Variants in GZMK observed in about 807,000 individuals in gnomAD.
The protein encoded by GZMK is NK-Tryp-2.
Under a neutral mutation model 22.8 loss-of-function variants are expected in GZMK, and 18 were observed. The ratio of observed to expected loss-of-function variants is 0.79; its 90% CI spans 0.54 to 1.17. The LOEUF (loss-of-function observed/expected upper bound fraction) is 1.17. Among genes scored for constraint, GZMK ranks in the 50% most tolerant of loss-of-function variants. GZMK has a pLI of 0.00. For synonymous variants in GZMK, 136 were observed against 115.0 expected (o/e 1.18, Z -1.17); for missense variants, 342 against 320.2 (o/e 1.07, Z -0.52).
rs1411934032 is a variant in GZMK, at chr5:55,024,863, CA to C, written c.212+58del. The C allele has an allele frequency of 4.2e-6, 5 of 1,188,968 alleles. No individual in the cohort carries two copies. The African/African-American group carries it at 7.6e-5, about 18-fold the overall frequency. The allele number at this position is 1,188,968 out of a possible 1,614,324, so 73.7% of individuals were successfully genotyped here. On this transcript the variant is annotated intron_variant, in intron 2 of 4. Transcript: ENST00000231009. ...TTTTTTCTGAAAGTTATTATAGGTA[CA>C]AGAGAAGCTTACCTCTCCTGAATGA... is the stretch of plus-strand genomic sequence containing the variant.
In GZMK at chr5:55,031,421, A is replaced by C. The variant is rs1741230221; in HGVS notation, c.421A>C (p.Thr141Pro). The change falls in exon 4 of 5, where the codon ACC becomes CCC. Residue 141 changes from threonine to proline, a missense_variant. Physicochemically the swap from Thr to Pro is conservative, Grantham distance 38 (BLOSUM62 -1). Transcript: ENST00000231009. Reference sequence around the variant, plus strand: ...CAAGATGCTCCACATAAGATCCAAAACCTCTCTTAGATCTGGAACCAAATG... The same window carrying C: ...CAAGATGCTCCACATAAGATCCAAACCCTCTCTTAGATCTGGAACCAAATG... ...HVKMLHIRSK[T>P]SLRSGTKCKV... The C allele has an allele frequency of 1.2e-6, 2 of 1,613,266 alleles. No individual in the cohort carries two copies. The highest frequency in any genetic ancestry group is 1.7e-6 in the Non-Finnish European group (2 of 1,179,442).
In GZMK at chr5:55,031,391, C is replaced by T. The variant is rs750021891; in HGVS notation, c.391C>T (p.His131Tyr). The change falls in exon 4 of 5, where the codon CAT becomes TAT. Residue 131 changes from histidine (H) to tyrosine (Y), a missense_variant. By Grantham distance (83) the His-to-Tyr change is moderately conservative. Coordinates refer to ENST00000231009, the MANE Select transcript of GZMK (RefSeq NM_002104.3). Reference sequence around the variant, plus strand: ...TCAAACAGCCGCAAAACTCAATAAACATGTCAAGATGCTCCACATAAGATC... The same window carrying T: ...TCAAACAGCCGCAAAACTCAATAAATATGTCAAGATGCTCCACATAAGATC... ...KLQTAAKLNK[H>Y]VKMLHIRSKT... 10 of 1,613,356 alleles carry T rather than the reference C, an allele frequency of 6.2e-6. No homozygotes were observed. In the East Asian group the frequency reaches 2.2e-4, roughly 36 times the overall value.
At position 55,030,611 on chromosome 5, in the gene GZMK, A is replaced by G. The variant is rs756875073; in HGVS notation, c.363+27A>G. The G allele has an allele frequency of 3.2e-6, 5 of 1,583,352 alleles. No homozygotes were observed. The African/African-American group carries it at 4.1e-5, about 13-fold the overall frequency. ...TAGGTAGTAGCATTGTCTTCCTTCT[A>G]TTTTGTCAACATTTTTATACAGGAT... On this transcript the variant is annotated intron_variant, in intron 3 of 4. Coordinates refer to ENST00000231009, the MANE Select transcript of GZMK (RefSeq NM_002104.3).
rs146429265 is a variant in GZMK at position 55,033,777 on chromosome 5, G to A, written c.646G>A (p.Gly216Ser). The change falls in exon 5 of 5, where the codon GGC becomes AGC. Residue 216 changes from glycine (G) to serine (S), a missense_variant. Physicochemically the swap from Gly to Ser is moderately conservative, Grantham distance 56. Transcript: ENST00000231009. ...QKDSCKGDSG[G>S]PLICKGVFHA... ...TTCTTCCTTCCAGGGTGACTCAGGG[G>A]GCCCCTTGATCTGTAAAGGTGTCTT... 6,855 of 1,598,770 alleles carry A rather than the reference G, an allele frequency of 4.3e-3. 24 individuals are homozygous for A. The highest frequency in any genetic ancestry group is 5.3e-3 in the Non-Finnish European group (6,194 of 1,175,770).
Position 55,034,453 on chromosome 5 carries a change from T to C in GZMK, c.*527T>C, listed in dbSNP as rs1741285469. ...GCCAGTTGAATAGCAGCTCTCTATT[T>C]CCCCACCACCCCCATCCTCTGGCAA... On this transcript the variant is annotated 3_prime_UTR_variant, in exon 5 of 5. Transcript: ENST00000231009. 1.3e-5 allele frequency: 2 copies of C among 152,212 alleles called. No homozygotes were observed. The highest frequency in any genetic ancestry group is 1.3e-4 in the Admixed American group (2 of 15,276). 9.4% of individuals were successfully genotyped at this position (152,212 alleles called of 1,614,324 possible). A position where few individuals can be genotyped will look rare whatever the true frequency, so the allele number is the denominator to read the frequency against.
At chr5:55,025,965 T>C (rs3776034) in intron 2 of GZMK, among the ~76,000 whole-genome samples, 46,774 of 152,160 alleles carry the variant, frequency 0.31, 8,835 homozygotes, top group African/African-American at 0.51. Context: ...CTTGCCCTCA[T>C]AGAAATCACA....
chr5:55,033,198 G>C (rs903348796), intron 4 of GZMK, among the ~76,000 whole-genome samples: 1 of 152,150 alleles, frequency 6.6e-6, no homozygotes, highest in African/African-American at 2.4e-5. Context: ...TATTTACTAA[G>C]TATGGTACAT....
intron 3 of GZMK, among the ~76,000 whole-genome samples, chr5:55,031,001 C>T (rs1741220298): frequency 6.6e-6 from 1 of 152,176 alleles, no homozygotes; most frequent in Admixed American, 6.5e-5. Flanking sequence ...TAATTTAGTC[C>T]GAACTTGGTC....
At chr5:55,026,549 G>A (rs1442389360) in intron 2 of GZMK, among the ~76,000 whole-genome samples, 1 of 152,062 alleles carries the variant, frequency 6.6e-6, no homozygotes, top group Non-Finnish European at 1.5e-5. Flanking sequence ...ATCGGTGGTT[G>A]GAAAAATATT....
intron 2 of GZMK, among the ~76,000 whole-genome samples, chr5:55,029,574 G>A (rs1023278863): frequency 2.2e-4 from 33 of 147,000 alleles, no homozygotes; most frequent in African/African-American, 8.1e-4. Context: ...TTGTTTGTTT[G>A]TTTTTAAGAG....
chr5:55,030,678 C>A, intron 3 of GZMK, 94 bp downstream of exon 3: 1 of 879,458 alleles, frequency 1.1e-6, no homozygotes, highest in Non-Finnish European at 1.9e-6. Context: ...ATTTTGCTAG[C>A]ACCCTCCCCA....
chr5:55,033,163 T>C (rs1011309590), intron 4 of GZMK, among the ~76,000 whole-genome samples: 5 of 152,236 alleles, frequency 3.3e-5, no homozygotes, highest in African/African-American at 4.8e-5. Context: ...TTAGAGTGTC[T>C]TCAAAAATCA....
Position 55,030,330 on chromosome 5 carries a change from A to G in GZMK, c.213-104A>G. 8.9e-6 allele frequency: 9 copies of G among 1,013,594 alleles called. No homozygotes were observed. In the South Asian group the frequency reaches 1.4e-4, roughly 16 times the overall value. The allele number at this position is 1,013,594 out of a possible 1,614,324, so 62.8% of individuals were successfully genotyped here. On this transcript the variant is annotated intron_variant, in intron 2 of 4. Coordinates refer to ENST00000231009, the MANE Select transcript of GZMK (RefSeq NM_002104.3). ...TAATCTTAGGCAGGTTACCTTGGAGATAGCCCTTGTTTCTCTGTGTATACA... is the reference window on the plus strand; with the variant it reads ...TAATCTTAGGCAGGTTACCTTGGAGGTAGCCCTTGTTTCTCTGTGTATACA...
chr5:55,033,830 A>T lies in GZMK; in HGVS notation c.699A>T (p.Glu233Asp). The T allele has an allele frequency of 6.2e-7, 1 of 1,612,818 alleles. No homozygotes were observed. Among genetic ancestry groups the T allele is most frequent in the Non-Finnish European group, 8.5e-7 (1 of 1,179,388 alleles). ...VFHAIVSGGH[E>D]CGVATKPGIY... Reference sequence around the variant, plus strand: ...ACGCTATAGTCTCTGGAGGTCATGAATGTGGTGTTGCCACAAAGCCTGGAA... The same window carrying T: ...ACGCTATAGTCTCTGGAGGTCATGATTGTGGTGTTGCCACAAAGCCTGGAA... Residue 233 changes from glutamate to aspartate, a missense_variant, in exon 5 of 5, where the codon GAA becomes GAT. Physicochemically the swap from Glu to Asp is conservative, Grantham distance 45 (BLOSUM62 2). Transcript: ENST00000231009.
chr5:55,029,235 A>G (rs1741183232), intron 2 of GZMK, among the ~76,000 whole-genome samples: 1 of 141,792 alleles, frequency 7.1e-6, no homozygotes, highest in Non-Finnish European at 1.5e-5. Context: ...ACTCCTTCTC[A>G]AAAAAAAAAA....
intron 2 of GZMK, among the ~76,000 whole-genome samples, chr5:55,029,490 G>T (rs1038190999): frequency 2.0e-5 from 3 of 152,186 alleles, no homozygotes; most frequent in African/African-American, 7.2e-5. Flanking sequence ...ATTGACCTGA[G>T]ATGAAGTCTA....
rs771165949 is a variant in GZMK, at chr5:55,031,503, T to C, written c.503T>C (p.Leu168Pro). The C allele has an allele frequency of 1.2e-6, 2 of 1,614,028 alleles. No homozygotes were observed. Among genetic ancestry groups the C allele is most frequent in the Non-Finnish European group, 1.7e-6 (2 of 1,180,004 alleles). ...GATTCATTAAGACCTTCTGACACCC[T>C]GCGAGAAGTCACTGTTACTGTCCTA... ...DPDSLRPSDT[L>P]REVTVTVLSR... is the part of the protein sequence containing the mutation. The change falls in exon 4 of 5, where the codon CTG becomes CCG. Residue 168 changes from leucine (L) to proline (P), a missense_variant. Physicochemically the swap from Leu to Pro is moderately conservative, Grantham distance 98. Transcript: ENST00000231009.
intron 2 of GZMK, 80 bp from the exon 3 acceptor site, chr5:55,030,354 C>T: frequency 7.6e-7 from 1 of 1,324,376 alleles, no homozygotes; most frequent in Admixed American, 1.9e-5. Context: ...TCTGTGTATA[C>T]AACCCTCTCG....
intron 3 of GZMK, 44 bp from the exon 4 acceptor site, chr5:55,031,320 T>C (rs1246475761): frequency 1.3e-6 from 2 of 1,561,564 alleles, no homozygotes; most frequent in Admixed American, 1.7e-5. Flanking sequence ...AGCATCAGAA[T>C]ACTACTGGGA....
Sources: gnomAD v4.1 joint callset for allele counts (sites outside exome capture counted in the v4.1 genomes callset) on GRCh38, gnomAD v4.1.1 for gene constraint, MANE v1.5 for transcripts, NCBI Gene and HGNC (gene_info 2026-07-23, HGNC 2026-07-21) for gene names.